The following PCDH15 variants were observed in gnomAD, a reference collection of about 807,000 sequenced individuals.
The protein encoded by PCDH15 is protocadherin-15.
Under a neutral mutation model 178.5 loss-of-function variants are expected in PCDH15, and 129 were observed. That is an observed-to-expected ratio of 0.72 (90% CI 0.63 to 0.84). The LOEUF (loss-of-function observed/expected upper bound fraction) is 0.84, where lower values mean the gene tolerates loss of function less well. Ranked by LOEUF, PCDH15 falls within the 40% of genes least tolerant of loss-of-function variation. The probability of loss-of-function intolerance (pLI) is 0.00; values close to 1 mark genes in which losing one functional copy is unlikely to be tolerated. For synonymous variants in PCDH15, 800 were observed against 732.0 expected (o/e 1.09, Z -1.50); for missense variants, 2,230 against 2,099.9 (o/e 1.06, Z -1.21).
At chr10:54,263,690 G>T (rs916506989) in intron 8 of PCDH15, among the ~76,000 whole-genome samples, 4 of 152,078 alleles carry the variant, frequency 2.6e-5, no homozygotes, top group East Asian at 1.9e-4. Context: ...TGAAGCCAAT[G>T]AATCACATAC....
chr10:55,330,027 G>C (rs1690064611), intron 2 of PCDH15, among the ~76,000 whole-genome samples: 1 of 151,692 alleles, frequency 6.6e-6, no homozygotes, highest in African/African-American at 2.4e-5. Flanking sequence ...GTTATGAACT[G>C]CCTTTTTATT....
At chr10:55,404,349 T>C (rs748448230) in intron 2 of PCDH15, among the ~76,000 whole-genome samples, 90 of 152,196 alleles carry the variant, frequency 5.9e-4, no homozygotes, top group Non-Finnish European at 6.3e-4. Context: ...AGATGCTCTG[T>C]TAATTCCATG....
chr10:54,349,794 A>C (rs1943891278), intron 5 of PCDH15, among the ~76,000 whole-genome samples: 4 of 152,196 alleles, frequency 2.6e-5, no homozygotes, highest in African/African-American at 9.7e-5. Context: ...ACAGGAAAAA[A>C]ATTGAATATG....
chr10:54,183,735 G>T, intron 12 of PCDH15, 142 bp from the exon 13 acceptor site: 1 of 869,780 alleles, frequency 1.1e-6, no homozygotes, highest in Admixed American at 2.0e-5. Context: ...ATAAAAGGAC[G>T]TAATAGAGAC....
chr10:55,051,200 C>G (rs77882904), intron 2 of PCDH15, among the ~76,000 whole-genome samples: 3 of 151,958 alleles, frequency 2.0e-5, no homozygotes, highest in South Asian at 2.1e-4. Flanking sequence ...ATTAAAAATG[C>G]AAACAGAACT....
chr10:54,598,027 G>C (rs2092327292), intron 2 of PCDH15, among the ~76,000 whole-genome samples: 1 of 152,096 alleles, frequency 6.6e-6, no homozygotes, highest in Non-Finnish European at 1.5e-5. Flanking sequence ...TAGACCAGAT[G>C]AATTCACTTC....
intron 1 of PCDH15, among the ~76,000 whole-genome samples, chr10:55,188,972 G>A (rs955416223): frequency 1.3e-5 from 2 of 151,724 alleles, no homozygotes; most frequent in Non-Finnish European, 2.9e-5. Context: ...AAATAAAAAA[G>A]AGAAAAATAA....
intron 1 of PCDH15, among the ~76,000 whole-genome samples, chr10:55,208,610 T>C (rs1840472226): frequency 1.3e-5 from 2 of 152,050 alleles, no homozygotes; most frequent in African/African-American, 2.4e-5. Flanking sequence ...TTCTCACTTA[T>C]ATAGATGTAG....
At chr10:54,699,438 G>C (rs563410688) in intron 1 of PCDH15, among the ~76,000 whole-genome samples, 29 of 152,108 alleles carry the variant, frequency 1.9e-4, no homozygotes, top group African/African-American at 6.5e-4. Flanking sequence ...CCCATAACCA[G>C]AAGTAACAAA....
intron 7 of PCDH15, among the ~76,000 whole-genome samples, chr10:54,326,504 A>G (rs979867891): frequency 3.9e-5 from 6 of 152,172 alleles, no homozygotes; most frequent in Non-Finnish European, 7.4e-5. Context: ...TAATGTCTCA[A>G]TATATTTCAA....
chr10:53,948,074 G>A (rs550917613), intron 23 of PCDH15, among the ~76,000 whole-genome samples: 26 of 152,034 alleles, frequency 1.7e-4, no homozygotes, highest in Non-Finnish European at 3.2e-4. Context: ...TTTGACTTTC[G>A]GTTTTTTACT....
chr10:55,337,189 A>G (rs531948951), intron 2 of PCDH15, among the ~76,000 whole-genome samples: 1 of 152,336 alleles, frequency 6.6e-6, no homozygotes, highest in African/African-American at 2.4e-5. Context: ...AGATGATAAA[A>G]TGAAAAATAA....
intron 8 of PCDH15, among the ~76,000 whole-genome samples, chr10:54,290,859 T>C (rs1218252738): frequency 2.0e-5 from 3 of 152,174 alleles, no homozygotes; most frequent in Non-Finnish European, 2.9e-5. Context: ...ATCCTAAATA[T>C]ATATGCACCT....
intron 18 of PCDH15, among the ~76,000 whole-genome samples, chr10:54,056,653 C>A (rs991469799): frequency 1.6e-4 from 24 of 152,074 alleles, no homozygotes; most frequent in Non-Finnish European, 5.9e-5. Context: ...CACAGCCAAA[C>A]CATATCATCC....
At chr10:54,327,359 T>G (rs1444520349) in intron 7 of PCDH15, among the ~76,000 whole-genome samples, 1 of 150,998 alleles carries the variant, frequency 6.6e-6, no homozygotes, top group Non-Finnish European at 1.5e-5. Flanking sequence ...TATCTACAGT[T>G]TTCACTCTGC....
At chr10:54,739,412 A>G (rs1944499416) in intron 1 of PCDH15, among the ~76,000 whole-genome samples, 1 of 152,022 alleles carries the variant, frequency 6.6e-6, no homozygotes, top group South Asian at 2.1e-4. Flanking sequence ...GATTGATAAA[A>G]TAAATTAAAA....
chr10:54,049,779 C>A (rs1422490399), intron 18 of PCDH15, among the ~76,000 whole-genome samples: 3 of 152,054 alleles, frequency 2.0e-5, no homozygotes, highest in Admixed American at 1.3e-4. Flanking sequence ...CGCCACCAAG[C>A]CTGGCTAATT....
intron 1 of PCDH15, among the ~76,000 whole-genome samples, chr10:55,259,902 C>CAAA (rs749939571): frequency 1.9e-5 from 1 of 52,012 alleles, no homozygotes; most frequent in African/African-American, 7.6e-5. Flanking sequence ...AACTCCGTCT[C>CAAA]AAAAAAAAAA....
At chr10:54,894,482 A>C (rs1420641047) in intron 3 of PCDH15, among the ~76,000 whole-genome samples, 1 of 152,146 alleles carries the variant, frequency 6.6e-6, no homozygotes, top group Non-Finnish European at 1.5e-5. Context: ...AATAGAGGAT[A>C]CAGCACAGGA....
Sources: allele counts gnomAD v4.1 joint callset (sites outside exome capture counted in the v4.1 genomes callset), GRCh38; gene constraint gnomAD v4.1.1; transcripts MANE v1.5; gene names NCBI Gene and HGNC (gene_info 2026-07-23, HGNC 2026-07-21).